Variants in CABIN1 observed in about 807,000 individuals in gnomAD.
CABIN1 encodes calcineurin binding protein 1.
Under a neutral mutation model 227.7 loss-of-function variants are expected in CABIN1, and 133 were observed. That is an observed-to-expected ratio of 0.58 (90% CI 0.51 to 0.67). The LOEUF (loss-of-function observed/expected upper bound fraction) is 0.67. Among genes scored for constraint, CABIN1 ranks in the 30% least tolerant of loss-of-function variants. CABIN1 has a pLI of 0.00. For missense variants in CABIN1, 2,408 were observed against 2,852.5 expected (o/e 0.84, Z 3.55); for synonymous variants, 1,086 against 1,155.1 (o/e 0.94, Z 1.21).
At chr22:24,015,640 G>A (rs1039576580) in intron 1 of CABIN1, among the ~76,000 whole-genome samples, 2 of 151,760 alleles carry the variant, frequency 1.3e-5, no homozygotes, top group African/African-American at 2.4e-5. Context: ...CACTGCGCCC[G>A]GCCCCTCATT....
chr22:24,031,764 G>C (rs1379035833), intron 1 of CABIN1, among the ~76,000 whole-genome samples: 1 of 152,168 alleles, frequency 6.6e-6, no homozygotes, highest in African/African-American at 2.4e-5. Flanking sequence ...GGGCTCCATA[G>C]CTGGCCCCTG....
chr22:24,116,558 G>A (rs2043099992), intron 27 of CABIN1, among the ~76,000 whole-genome samples: 1 of 152,272 alleles, frequency 6.6e-6, no homozygotes, highest in Admixed American at 6.5e-5. Context: ...TTTGTGGAAA[G>A]CATCCTCACT....
At chr22:24,060,516 C>T (rs749295682) in intron 12 of CABIN1, among the ~76,000 whole-genome samples, 4 of 151,984 alleles carry the variant, frequency 2.6e-5, no homozygotes, top group African/African-American at 2.4e-5. Flanking sequence ...GAGGGCTTCT[C>T]GGGTTGTTTA....
chr22:24,052,381 A>G (rs1317073902), intron 8 of CABIN1, among the ~76,000 whole-genome samples: 1 of 152,174 alleles, frequency 6.6e-6, no homozygotes, highest in Non-Finnish European at 1.5e-5. Flanking sequence ...GGGGTCAGCA[A>G]AACTTTTCCT....
chr22:24,091,491 C>G lies in CABIN1; in HGVS notation c.3526-92C>G, dbSNP rs1253896484. ...GGTTGTTAAGAGGAGTATAAACTTG[C>G]AAATAGGTCGGCAGAGCTTTGTACA... is the stretch of plus-strand genomic sequence containing the variant. On this transcript the variant is annotated intron_variant, in intron 23 of 36. Transcript: ENST00000263119. 5 of 1,528,412 alleles carry G rather than the reference C, an allele frequency of 3.3e-6. No individual in the cohort carries two copies. In the Admixed American group the frequency reaches 6.7e-5, roughly 21 times the overall value. 94.7% of individuals were successfully genotyped at this position (1,528,412 alleles called of 1,614,324 possible).
chr22:24,107,524 C>T (rs561406078), intron 26 of CABIN1, among the ~76,000 whole-genome samples: 1 of 152,136 alleles, frequency 6.6e-6, no homozygotes, highest in African/African-American at 2.4e-5. Flanking sequence ...CAGCAGAGTC[C>T]CCACTCAATT....
At chr22:24,044,929 T>C (rs1472209849) in intron 6 of CABIN1, among the ~76,000 whole-genome samples, 1 of 151,352 alleles carries the variant, frequency 6.6e-6, no homozygotes, top group African/African-American at 2.4e-5. Context: ...AATCACCTTT[T>C]TTTTTTTTTT....
intron 34 of CABIN1, 137 bp downstream of exon 34, chr22:24,172,132 G>C: frequency 9.7e-7 from 1 of 1,029,750 alleles, no homozygotes. Flanking sequence ...TGGCGGGGCA[G>C]GTGACCGCGG....
At chr22:24,164,371 C>T (rs754917701) in intron 29 of CABIN1, 29 bp from the exon 30 acceptor site, 12 of 1,600,022 alleles carry the variant, frequency 7.5e-6, no homozygotes, top group South Asian at 2.2e-5. Flanking sequence ...AACCACCCCC[C>T]TCACACACCT....
Position 24,177,936 on chromosome 22 carries a change from G to T in CABIN1, c.6520-117G>T, listed in dbSNP as rs1021358071. On this transcript the variant is annotated intron_variant, in intron 36 of 36. Coordinates refer to ENST00000263119, the MANE Select transcript of CABIN1 (RefSeq NM_012295.4). The surrounding 1 kb of genome is among the most constrained non-coding windows in gnomAD (Gnocchi z 4.4). Reference sequence around the variant, plus strand: ...GGGGTGTGGGTGAGGATGGCATAGGGGCCTGGGGCAGGGGTGAGGGTGGGA... The same window carrying T: ...GGGGTGTGGGTGAGGATGGCATAGGTGCCTGGGGCAGGGGTGAGGGTGGGA... 1.5e-5 allele frequency: 23 copies of T among 1,542,648 alleles called. No homozygotes were observed. Among genetic ancestry groups the T allele is most frequent in the Non-Finnish European group, 1.8e-5 (20 of 1,135,740 alleles).
chr22:24,020,184 T>C (rs1422776226), intron 1 of CABIN1, among the ~76,000 whole-genome samples: 1 of 152,236 alleles, frequency 6.6e-6, no homozygotes, highest in African/African-American at 2.4e-5. Context: ...TGTATTTTCC[T>C]GAGTATTTTT....
chr22:24,094,572 C>G (rs2040484049), intron 24 of CABIN1, among the ~76,000 whole-genome samples: 1 of 151,504 alleles, frequency 6.6e-6, no homozygotes, highest in Non-Finnish European at 1.5e-5. Context: ...AATTCCAGCA[C>G]TTTGGGAGGC....
At chr22:24,082,364 A>T (rs907162461) in intron 19 of CABIN1, among the ~76,000 whole-genome samples, 1 of 152,168 alleles carries the variant, frequency 6.6e-6, no homozygotes, top group African/African-American at 2.4e-5. Context: ...TGCTGGAATT[A>T]CAGGCATGAA....
At chr22:24,038,318 T>A in intron 3 of CABIN1, 30 bp from the exon 4 acceptor site, 1 of 1,556,270 alleles carries the variant, frequency 6.4e-7, no homozygotes, top group Non-Finnish European at 8.9e-7. Context: ...CTTTATGCTG[T>A]ATGAAAACAT....
chr22:24,176,212 G>C lies in CABIN1; in HGVS notation c.6142G>C (p.Glu2048Gln), dbSNP rs778591505. The part of the protein sequence containing the change: ...VKMAPTSSPA[E>Q]PHCWPAEAAL... Reference sequence around the variant, plus strand: ...GATGGCCCCCACAAGTTCCCCGGCAGAGCCACACTGCTGGCCGGCAGAGGC... The same window carrying C: ...GATGGCCCCCACAAGTTCCCCGGCACAGCCACACTGCTGGCCGGCAGAGGC... Residue 2048 changes from glutamate to glutamine, a missense_variant, in exon 35 of 37, where the codon GAG becomes CAG. Glu to Gln is a conservative substitution (Grantham distance 29). This residue lies in a region of CABIN1 where 714 missense variants were observed against 773.8 expected (regional missense o/e 0.92). Transcript: ENST00000263119. 11 of 1,610,608 alleles carry C rather than the reference G, an allele frequency of 6.8e-6. No individual in the cohort carries two copies. The African/African-American group carries it at 1.3e-4, about 20-fold the overall frequency.
At chr22:24,144,647 C>T (rs146641590) in intron 29 of CABIN1, among the ~76,000 whole-genome samples, 32 of 152,382 alleles carry the variant, frequency 2.1e-4, no homozygotes, top group African/African-American at 7.5e-4. Context: ...AAATCTCCTC[C>T]ACATTTGACT....
At chr22:24,101,041 G>C (rs1569216449) in intron 26 of CABIN1, among the ~76,000 whole-genome samples, 2 of 152,192 alleles carry the variant, frequency 1.3e-5, no homozygotes, top group Non-Finnish European at 1.5e-5. Context: ...ACAAGAGGTG[G>C]AGGTAGTGTC....
chr22:24,101,173 T>C (rs1189154243), intron 26 of CABIN1, among the ~76,000 whole-genome samples: 2 of 152,242 alleles, frequency 1.3e-5, no homozygotes, highest in Non-Finnish European at 2.9e-5. Context: ...AGGACTTTCC[T>C]TGGGCATGGT....
In CABIN1 at chr22:24,166,832, C is replaced by T; in HGVS notation, c.5201C>T (p.Ala1734Val). ...GGCCTCCTCAACCACCGGCCTGTGG[C>T]CATGGATGCAGGAGACAGTGCAGAC... ...KVGLLNHRPV[A>V]MDAGDSADQS... is the part of the protein sequence containing the mutation. The change falls in exon 32 of 37, where the codon GCC becomes GTC. Residue 1734 changes from alanine (A) to valine (V), a missense_variant. Coordinates refer to ENST00000263119, the MANE Select transcript of CABIN1 (RefSeq NM_012295.4). The T allele has an allele frequency of 1.2e-6, 2 of 1,613,026 alleles. No homozygotes were observed. Among genetic ancestry groups the T allele is most frequent in the Non-Finnish European group, 1.7e-6 (2 of 1,179,960 alleles).
Sources: allele counts gnomAD v4.1 joint callset (sites outside exome capture counted in the v4.1 genomes callset), GRCh38; gene constraint gnomAD v4.1.1; regional missense constraint gnomAD v4.1.1; non-coding constraint Gnocchi (gnomAD v3.1); transcripts MANE v1.5; gene names NCBI Gene and HGNC (gene_info 2026-07-23, HGNC 2026-07-21).